OTUD7A: variants seen among roughly 807,000 people sequenced by gnomAD.
OTUD7A encodes the protein OTU domain-containing protein 7A.
In OTUD7A, 12 loss-of-function variants were observed where a neutral mutation model predicts 65.7. The ratio of observed to expected loss-of-function variants is 0.18; its 90% CI spans 0.12 to 0.30. The LOEUF (loss-of-function observed/expected upper bound fraction) is 0.30. Ranked by LOEUF, OTUD7A falls within the 10% of genes least tolerant of loss-of-function variation. The pLI, the probability that OTUD7A is intolerant of heterozygous loss-of-function variation, is 1.00. For synonymous variants in OTUD7A, 641 were observed against 586.3 expected (o/e 1.09, Z -1.35); for missense variants, 1,148 against 1,304.8 (o/e 0.88, Z 1.85).
At chr15:31,748,239 A>G (rs890695287) in intron 1 of OTUD7A, among the ~76,000 whole-genome samples, 29 of 152,236 alleles carry the variant, frequency 1.9e-4, no homozygotes, top group African/African-American at 7.0e-4. Flanking sequence ...TTTTTATAAA[A>G]GAAAATATGC....
At chr15:31,787,023 G>C (rs1323394313) in intron 1 of OTUD7A, among the ~76,000 whole-genome samples, 2 of 152,190 alleles carry the variant, frequency 1.3e-5, no homozygotes, top group Non-Finnish European at 2.9e-5. Flanking sequence ...ACTGAAAGGG[G>C]ACTAGTCAGC....
At chr15:31,854,585 CACTTTT>C (rs1897518968) in intron 1 of OTUD7A, among the ~76,000 whole-genome samples, 1 of 152,182 alleles carries the variant, frequency 6.6e-6, no homozygotes, top group Non-Finnish European at 1.5e-5. Context: ...TCCCTCCTTC[CACTTTT>C]AAGAAAGACC....
At chr15:31,755,901 CA>C (rs1198605309) in intron 1 of OTUD7A, among the ~76,000 whole-genome samples, 1 of 160 alleles carries the variant, frequency 6.3e-3, no homozygotes, top group Admixed American at 0.056. Context: ...GCAAGGCAAA[CA>C]GGGGGTGTGC....
intron 8 of OTUD7A, among the ~76,000 whole-genome samples, 157 bp downstream of exon 8, chr15:31,526,192 C>T (rs1445647600): frequency 6.6e-6 from 1 of 152,226 alleles, no homozygotes. Flanking sequence ...TCCCGTGCGT[C>T]CTTGTCTTGA....
chr15:31,641,063 C>T (rs1891499801), intron 3 of OTUD7A, among the ~76,000 whole-genome samples: 2 of 152,082 alleles, frequency 1.3e-5, no homozygotes, highest in African/African-American at 4.8e-5. Flanking sequence ...CCCCATAATC[C>T]CCACGTGTCA....
chr15:31,815,718 C>T (rs1436718104), intron 1 of OTUD7A, among the ~76,000 whole-genome samples: 1 of 152,220 alleles, frequency 6.6e-6, no homozygotes, highest in Admixed American at 6.5e-5. Flanking sequence ...CCACCACGGG[C>T]CATCTTCCTA....
chr15:31,700,158 T>C (rs1292306116), intron 1 of OTUD7A, among the ~76,000 whole-genome samples: 1 of 151,844 alleles, frequency 6.6e-6, no homozygotes, highest in Non-Finnish European at 1.5e-5. Flanking sequence ...ACCATCGTCC[T>C]TCATCTCCCC....
At chr15:31,617,731 A>G (rs1355968713) in intron 3 of OTUD7A, among the ~76,000 whole-genome samples, 2 of 152,066 alleles carry the variant, frequency 1.3e-5, no homozygotes, top group Non-Finnish European at 2.9e-5. Flanking sequence ...CTGGCTGCTG[A>G]TAGTCACAGT....
At chr15:31,648,728 C>A (rs1201958053) in intron 3 of OTUD7A, among the ~76,000 whole-genome samples, 13 of 152,268 alleles carry the variant, frequency 8.5e-5, no homozygotes, top group Non-Finnish European at 1.8e-4. Flanking sequence ...TGATTTATAT[C>A]TTTGCCTGTA....
At chr15:31,637,794 C>T in intron 3 of OTUD7A, among the ~76,000 whole-genome samples, 1 of 152,112 alleles carries the variant, frequency 6.6e-6, no homozygotes, top group Non-Finnish European at 1.5e-5. Context: ...GAATTAACTG[C>T]AGATGTGGTG....
chr15:31,491,862 T>C (rs749442564), intron 10 of OTUD7A, among the ~76,000 whole-genome samples: 91 of 152,090 alleles, frequency 6.0e-4, no homozygotes, highest in Middle Eastern at 3.4e-3. Flanking sequence ...GTGACATTTT[T>C]AAAGTGCTGA....
At chr15:31,669,685 T>C (rs1217934588) in intron 1 of OTUD7A, among the ~76,000 whole-genome samples, 3 of 152,160 alleles carry the variant, frequency 2.0e-5, no homozygotes, top group Non-Finnish European at 4.4e-5. Context: ...CCAGTTCAAA[T>C]TGTTACAAAG....
At chr15:31,766,506 G>A in intron 1 of OTUD7A, 2 of 1,609,524 alleles carry the variant, frequency 1.2e-6, no homozygotes, top group East Asian at 4.5e-5. Flanking sequence ...TTTATTGATT[G>A]TGGCACTAGA....
chr15:31,702,606 T>C (rs1017653234), intron 1 of OTUD7A, among the ~76,000 whole-genome samples: 85 of 151,816 alleles, frequency 5.6e-4, no homozygotes, highest in African/African-American at 1.9e-3. Flanking sequence ...AATCTACTAA[T>C]TAAATAAATG....
intron 1 of OTUD7A, among the ~76,000 whole-genome samples, chr15:31,685,510 T>A (rs1033804088): frequency 6.6e-6 from 1 of 150,594 alleles, no homozygotes. Flanking sequence ...AACAAAAAAA[T>A]TAGCCGGGCG....
intron 1 of OTUD7A, among the ~76,000 whole-genome samples, chr15:31,687,609 T>A (rs367665357): frequency 1.1e-4 from 16 of 152,292 alleles, no homozygotes; most frequent in South Asian, 4.1e-4. Flanking sequence ...CGCAGTCACC[T>A]GGCTGTTGTA....
intron 5 of OTUD7A, among the ~76,000 whole-genome samples, chr15:31,543,196 T>C (rs1009186575): frequency 2.0e-5 from 3 of 151,920 alleles, no homozygotes; most frequent in African/African-American, 7.2e-5. Flanking sequence ...CCAAAGTCCC[T>C]GTCTTGCCTG....
chr15:31,597,312 C>T (rs905698764), intron 3 of OTUD7A, among the ~76,000 whole-genome samples: 1 of 152,012 alleles, frequency 6.6e-6, no homozygotes, highest in African/African-American at 2.4e-5. Flanking sequence ...TTCCATAGCC[C>T]TTTTTTGGCC....
intron 10 of OTUD7A, among the ~76,000 whole-genome samples, chr15:31,499,120 A>T (rs1483959564): frequency 6.6e-6 from 1 of 152,234 alleles, no homozygotes; most frequent in Non-Finnish European, 1.5e-5. Context: ...ATGATGGGGC[A>T]TGTAAACAGA....
Sources: allele counts gnomAD v4.1 joint callset (sites outside exome capture counted in the v4.1 genomes callset), GRCh38; gene constraint gnomAD v4.1.1; transcripts MANE v1.5; gene names NCBI Gene and HGNC (gene_info 2026-07-23, HGNC 2026-07-21).